Variants in MYO9A observed in about 807,000 individuals in gnomAD.
The protein encoded by MYO9A is myosin IXA.
Under a neutral mutation model 293.3 loss-of-function variants are expected in MYO9A, and 103 were observed. The observed-to-expected ratio is 0.35, with a 90% CI of 0.30 to 0.41. The LOEUF (loss-of-function observed/expected upper bound fraction) is 0.41, where lower values mean the gene tolerates loss of function less well. MYO9A is among the 10% of genes least tolerant of loss of function. The pLI, the probability that MYO9A is intolerant of heterozygous loss-of-function variation, is 1.00. For synonymous variants in MYO9A, 1,001 were observed against 1,035.7 expected (o/e 0.97, Z 0.64); for missense variants, 2,685 against 3,033.0 (o/e 0.89, Z 2.69).
At chr15:72,097,354 A>G (rs1004991933) in intron 1 of MYO9A, among the ~76,000 whole-genome samples, 6 of 152,364 alleles carry the variant, frequency 3.9e-5, no homozygotes, top group African/African-American at 1.4e-4. Context: ...TTACAATTCA[A>G]TGAAGGCTCA....
intron 27 of MYO9A, 100 bp from the exon 28 acceptor site, chr15:71,883,836 G>T: frequency 2.0e-6 from 2 of 989,732 alleles, no homozygotes; most frequent in East Asian, 2.8e-5. Flanking sequence ...ATGTATATTA[G>T]CTCATTTAAG....
chr15:72,069,007 A>G (rs2079101920), intron 1 of MYO9A, among the ~76,000 whole-genome samples: 2 of 152,240 alleles, frequency 1.3e-5, no homozygotes, highest in South Asian at 4.1e-4. Context: ...AGGCCAGTAC[A>G]TGGCAGAGCT....
intron 1 of MYO9A, among the ~76,000 whole-genome samples, chr15:72,063,481 A>G (rs1362657849): frequency 6.6e-6 from 1 of 152,238 alleles, no homozygotes; most frequent in Non-Finnish European, 1.5e-5. Context: ...ATGGGAGAAA[A>G]TATGTGCAAA....
At chr15:71,933,508 A>G in intron 18 of MYO9A, among the ~76,000 whole-genome samples, 162 bp downstream of exon 18, 1 of 152,180 alleles carries the variant, frequency 6.6e-6, no homozygotes, top group Non-Finnish European at 1.5e-5. Flanking sequence ...CAGCCATTTC[A>G]TAACAGTGTT....
At chr15:71,943,580 C>G (rs536172889) in intron 15 of MYO9A, among the ~76,000 whole-genome samples, 44 of 152,062 alleles carry the variant, frequency 2.9e-4, no homozygotes, top group African/African-American at 1.0e-3. Flanking sequence ...GTTAAATGTA[C>G]AGTTAAATAA....
At chr15:72,041,571 CT>C in intron 2 of MYO9A, 1 of 342,470 alleles carries the variant, frequency 2.9e-6, no homozygotes, top group Admixed American at 4.0e-5. Context: ...CATGAAGTCA[CT>C]TTTCCGCAAG....
intron 30 of MYO9A, among the ~76,000 whole-genome samples, chr15:71,878,765 T>C (rs1012340496): frequency 7.4e-6 from 1 of 134,284 alleles, no homozygotes; most frequent in Admixed American, 7.8e-5. Flanking sequence ...TTTTTTTTTT[T>C]AGACGGAGTC....
intron 11 of MYO9A, among the ~76,000 whole-genome samples, chr15:71,981,724 C>T (rs2076277638): frequency 6.6e-6 from 1 of 150,994 alleles, no homozygotes; most frequent in African/African-American, 2.4e-5. Context: ...CAAAGTATTA[C>T]TTTTGGTTTG....
At chr15:72,110,171 C>A (rs1481634782) in intron 1 of MYO9A, among the ~76,000 whole-genome samples, 1 of 151,796 alleles carries the variant, frequency 6.6e-6, no homozygotes. Context: ...TGTGGTGGCT[C>A]ACACCTGTAA....
At chr15:71,932,818 C>T (rs2058515650) in intron 18 of MYO9A, among the ~76,000 whole-genome samples, 1 of 152,000 alleles carries the variant, frequency 6.6e-6, no homozygotes, top group Non-Finnish European at 1.5e-5. Flanking sequence ...TTGTTACACG[C>T]ATCAATAGTT....
intron 16 of MYO9A, among the ~76,000 whole-genome samples, chr15:71,935,835 G>A (rs1433211602): frequency 2.0e-5 from 3 of 151,412 alleles, no homozygotes; most frequent in African/African-American, 7.3e-5. Context: ...TGCTACTATA[G>A]GAATTTGTCA....
At chr15:71,857,686 G>GTT (rs199917190) in intron 34 of MYO9A, among the ~76,000 whole-genome samples, 10 of 145,452 alleles carry the variant, frequency 6.9e-5, no homozygotes, top group African/African-American at 2.0e-4. Flanking sequence ...TGTATCGACA[G>GTT]TTTTTTTTTT....
Position 71,866,265 on chromosome 15 carries a change from C to T in MYO9A, c.5980-3654G>A, listed in dbSNP as rs1003582014. On this transcript the variant is annotated intron_variant, in intron 32 of 41. Coordinates refer to ENST00000356056, the MANE Select transcript of MYO9A (RefSeq NM_006901.4). ...CGCTGGATCATATATAAACTAGACT[C>T]GAGTTTATACAGACTATGTATGTTT... Among the ~76,000 whole-genome samples, 7 of 152,246 alleles carry T rather than the reference C, an allele frequency of 4.6e-5. No individual in the cohort carries two copies. In the East Asian group the frequency reaches 7.7e-4, roughly 17 times the overall value.
chr15:71,936,394 T>C (rs558511360), intron 16 of MYO9A, among the ~76,000 whole-genome samples: 3 of 152,196 alleles, frequency 2.0e-5, no homozygotes, highest in South Asian at 2.1e-4. Flanking sequence ...CAGGAATAAA[T>C]TGTGGTCCTC....
intron 32 of MYO9A, among the ~76,000 whole-genome samples, chr15:71,869,767 G>A (rs2056449605): frequency 6.6e-6 from 1 of 152,164 alleles, no homozygotes; most frequent in Admixed American, 6.5e-5. Context: ...TTGGTAGAGA[G>A]TAATGAAAAA....
At chr15:71,990,020 C>A (rs1462208377) in intron 11 of MYO9A, among the ~76,000 whole-genome samples, 1 of 151,774 alleles carries the variant, frequency 6.6e-6, no homozygotes. Flanking sequence ...AGCAAGAAGA[C>A]CCATCTCTAA....
At position 71,826,015 on chromosome 15, in the gene MYO9A, T is replaced by TTTTTTTTTTTTTTTTTTTTTTC. The variant is rs2054479812; in HGVS notation, c.*564_*565insGAAAAAAAAAAAAAAAAAAAAA. 1 of 136,598 alleles carries TTTTTTTTTTTTTTTTTTTTTTC rather than the reference T, an allele frequency of 7.3e-6. No individual in the cohort carries two copies. Among genetic ancestry groups the TTTTTTTTTTTTTTTTTTTTTTC allele is most frequent in the Non-Finnish European group, 1.6e-5 (1 of 64,464 alleles). 8.5% of individuals were successfully genotyped at this position (136,598 alleles called of 1,614,324 possible). A position where few individuals can be genotyped will look rare whatever the true frequency, so the allele number is the denominator to read the frequency against. ...TTTTTGTTTTTTTTTTTTTGTTTTT[T>TTTTTTTTTTTTTTTTTTTTTTC]TTTTTTGTTTTTGCTTTCCCCAGAA... is the stretch of plus-strand genomic sequence containing the variant. On this transcript the variant is annotated 3_prime_UTR_variant, in exon 42 of 42. Transcript: ENST00000356056.
At chr15:71,904,871 A>G in intron 20 of MYO9A, 55 bp downstream of exon 20, 1 of 1,314,002 alleles carries the variant, frequency 7.6e-7, no homozygotes, top group East Asian at 2.4e-5. Flanking sequence ...AAAGTATTTA[A>G]AGCTCAGTTT....
At chr15:71,843,670 T>G (rs190348839) in intron 39 of MYO9A, among the ~76,000 whole-genome samples, 1 of 152,250 alleles carries the variant, frequency 6.6e-6, no homozygotes, top group Non-Finnish European at 1.5e-5. Flanking sequence ...TTTGTATTTT[T>G]GGTAGAGATG....
Sources: allele counts gnomAD v4.1 joint callset (sites outside exome capture counted in the v4.1 genomes callset), GRCh38; gene constraint gnomAD v4.1.1; transcripts MANE v1.5; gene names NCBI Gene and HGNC (gene_info 2026-07-23, HGNC 2026-07-21).